AKAP11: variants seen among roughly 807,000 people sequenced by gnomAD.
The protein encoded by AKAP11 is A-kinase anchoring protein 11, also known as A-kinase anchor protein 11.
Under a neutral mutation model 146.1 loss-of-function variants are expected in AKAP11, and 36 were observed. The ratio of observed to expected loss-of-function variants is 0.25; its 90% CI spans 0.19 to 0.33. The LOEUF (loss-of-function observed/expected upper bound fraction) is 0.33, where lower values mean the gene tolerates loss of function less well. Among genes scored for constraint, AKAP11 ranks in the 10% least tolerant of loss-of-function variants. The pLI is 1.00. For synonymous variants in AKAP11, 780 were observed against 786.5 expected (o/e 0.99, Z 0.14); for missense variants, 2,201 against 2,197.0 (o/e 1.00, Z -0.04).
intron 3 of AKAP11, among the ~76,000 whole-genome samples, chr13:42,286,851 T>A (rs904852623): frequency 3.9e-5 from 6 of 152,222 alleles, no homozygotes; most frequent in Admixed American, 2.6e-4. Context: ...CTCACTTCCT[T>A]TCTTAAAACA....
chr13:42,316,936 G>A (rs1960849164), intron 11 of AKAP11, among the ~76,000 whole-genome samples: 1 of 152,142 alleles, frequency 6.6e-6, no homozygotes, highest in Admixed American at 6.5e-5. Flanking sequence ...CAGGCTGGGT[G>A]GTGCAATCTC....
In AKAP11 at chr13:42,301,893, C is replaced by G; in HGVS notation, c.3147C>G (p.Asn1049Lys). The change falls in exon 8 of 13, where the codon AAC becomes AAG. Residue 1049 changes from asparagine (N) to lysine (K), a missense_variant. Around this residue, in one of 3 missense-constraint regions of AKAP11, gnomAD observed 1,867 missense variants for 1,833.5 expected, o/e 1.02. Transcript: ENST00000025301. ...AGGATCAACCACTGAAAAAGCATAA[C>G]TTGAATAGTACATCACTTGAGGCCT... is the stretch of plus-strand genomic sequence containing the variant. ...SAKDQPLKKH[N>K]LNSTSLEALS... is the part of the protein sequence containing the mutation. 3 of 1,614,152 alleles carry G rather than the reference C, an allele frequency of 1.9e-6. No individual in the cohort carries two copies. The highest frequency in any genetic ancestry group is 2.5e-6 in the Non-Finnish European group (3 of 1,180,004).
rs548020698 is a variant in AKAP11 at position 42,300,902 on chromosome 13, G to A, written c.2156G>A (p.Ser719Asn). ...DVTFTTKAAV[S>N]VSTDNIKYVS... Reference sequence around the variant, plus strand: ...ACCTTTACAACAAAGGCAGCAGTTAGTGTCTCTACGGATAATATCAAGTAT... The same window carrying A: ...ACCTTTACAACAAAGGCAGCAGTTAATGTCTCTACGGATAATATCAAGTAT... Residue 719 changes from serine (S) to asparagine (N), a missense_variant, in exon 8 of 13, where the codon AGT becomes AAT. Physicochemically the swap from Ser to Asn is conservative, Grantham distance 46 (BLOSUM62 1). This residue lies in a region of AKAP11 where 1,867 missense variants were observed against 1,833.5 expected (regional missense o/e 1.02). Transcript: ENST00000025301. 8.1e-6 allele frequency: 13 copies of A among 1,614,122 alleles called. No homozygotes were observed. Among genetic ancestry groups the A allele is most frequent in the Admixed American group, 1.7e-5 (1 of 60,022 alleles).
At chr13:42,294,400 T>A (rs1275941709) in intron 4 of AKAP11, among the ~76,000 whole-genome samples, 1 of 152,020 alleles carries the variant, frequency 6.6e-6, no homozygotes, top group Non-Finnish European at 1.5e-5. Flanking sequence ...ATATATATAT[T>A]TTTTTCTTTT....
chr13:42,272,821 GC>G (rs1449572145), intron 1 of AKAP11, among the ~76,000 whole-genome samples: 2 of 152,210 alleles, frequency 1.3e-5, no homozygotes, highest in African/African-American at 2.4e-5. Context: ...CTTAAGGCTG[GC>G]CATAAAGTAC....
chr13:42,315,391 A>G (rs2138706782), intron 11 of AKAP11, among the ~76,000 whole-genome samples: 1 of 152,318 alleles, frequency 6.6e-6, no homozygotes, highest in East Asian at 1.9e-4. Context: ...CCCCACTGCA[A>G]TATTTGTTTC....
chr13:42,272,039 G>C (rs1332580198), upstream of AKAP11: 1 of 149,662 alleles, frequency 6.7e-6, no homozygotes, highest in African/African-American at 2.5e-5. Context: ...AGGCGGTGTT[G>C]CGGGCCGGAG....
chr13:42,299,882 T>C lies in AKAP11; in HGVS notation c.1136T>C (p.Val379Ala). 6.2e-7 allele frequency: 1 copy of C among 1,613,892 alleles called. No individual in the cohort carries two copies. The highest frequency in any genetic ancestry group is 8.5e-7 in the Non-Finnish European group (1 of 1,179,870). Residue 379 changes from valine to alanine, a missense_variant, in exon 8 of 13, where the codon GTC (valine) becomes GCC (alanine). Coordinates refer to ENST00000025301, the MANE Select transcript of AKAP11 (RefSeq NM_016248.4). The stretch of plus-strand genomic sequence containing the variant: ...ACTTGCCTGTTTAACAAAGATCCCG[T>C]CATAGGGAAGTCATCGCAGAGGAAA... Reference protein sequence around the residue: ...LETCLFNKDPVIGKSSQRKGH... With the variant: ...LETCLFNKDPAIGKSSQRKGH...
rs1961092899 is a variant in AKAP11 at position 42,321,676 on chromosome 13, G to T, written c.*2448G>T. The T allele has an allele frequency of 1.3e-5, 2 of 152,248 alleles. No homozygotes were observed. Among genetic ancestry groups the T allele is most frequent in the Admixed American group, 1.3e-4 (2 of 15,274 alleles). The allele number at this position is 152,248 out of a possible 1,614,324, so 9.4% of individuals were successfully genotyped here. A position where few individuals can be genotyped will look rare whatever the true frequency, so the allele number is the denominator to read the frequency against. On this transcript the variant is annotated 3_prime_UTR_variant, in exon 13 of 13. Coordinates refer to ENST00000025301, the MANE Select transcript of AKAP11 (RefSeq NM_016248.4). ...AAAGGCACTTTGTGGTTTTTCCAAA[G>T]ATGTTCTAGATCTATTTGGTTGCTC... is the stretch of plus-strand genomic sequence containing the variant.
chr13:42,289,324 G>A (rs7334450), intron 3 of AKAP11, among the ~76,000 whole-genome samples: 1 of 152,144 alleles, frequency 6.6e-6, no homozygotes, highest in Non-Finnish European at 1.5e-5. Flanking sequence ...CCAGTTTTCA[G>A]ATTAATGACA....
rs558013725 is a variant in AKAP11 at position 42,312,114 on chromosome 13, T to C, written c.5274-933T>C. 6.2e-4 allele frequency among the ~76,000 whole-genome samples: 94 copies of C among 152,336 alleles called. No homozygotes were observed. In the South Asian group the frequency reaches 0.017, roughly 28 times the overall value. ...TTTGTATAAATATTACTTTTTATAA[T>C]TGCCTAGCATAATATTGGGAAAAAT... is the stretch of plus-strand genomic sequence containing the variant. On this transcript the variant is annotated intron_variant, in intron 9 of 12. Transcript: ENST00000025301.
intron 4 of AKAP11, among the ~76,000 whole-genome samples, chr13:42,293,988 C>G (rs1959352882): frequency 6.6e-6 from 1 of 152,094 alleles, no homozygotes; most frequent in Non-Finnish European, 1.5e-5. Flanking sequence ...GTTGTATTGC[C>G]TTAAGTTTTA....
chr13:42,316,947 G>A (rs1960849812), intron 11 of AKAP11, among the ~76,000 whole-genome samples: 1 of 152,094 alleles, frequency 6.6e-6, no homozygotes, highest in Non-Finnish European at 1.5e-5. Context: ...GTGCAATCTC[G>A]GATCACTGCA....
In AKAP11 at chr13:42,319,956, A is replaced by C. The variant is rs1227276146; in HGVS notation, c.*728A>C. 1.2e-5 allele frequency: 1 copy of C among 81,862 alleles called. No homozygotes were observed. Among genetic ancestry groups the C allele is most frequent in the Non-Finnish European group, 3.1e-5 (1 of 32,616 alleles). 5.1% of individuals were successfully genotyped at this position (81,862 alleles called of 1,614,324 possible). On this transcript the variant is annotated 3_prime_UTR_variant, in exon 13 of 13. Coordinates refer to ENST00000025301, the MANE Select transcript of AKAP11 (RefSeq NM_016248.4). ...GTGTGTGTGTGTGTGTGTGTAAGGG[A>C]GTACTTTAACCTTGCCAGTTTGTTC...
At chr13:42,295,173 G>A (rs973611443) in intron 4 of AKAP11, among the ~76,000 whole-genome samples, 6 of 152,204 alleles carry the variant, frequency 3.9e-5, no homozygotes, top group Non-Finnish European at 8.8e-5. Context: ...AGCCAGGCAT[G>A]TAACCATCCA....
At chr13:42,277,122 T>C (rs1958941832) in intron 1 of AKAP11, among the ~76,000 whole-genome samples, 1 of 152,250 alleles carries the variant, frequency 6.6e-6, no homozygotes, top group African/African-American at 2.4e-5. Context: ...ATCCTTATAA[T>C]ATTGCCATAC....
At chr13:42,293,908 T>C (rs1397949956) in intron 4 of AKAP11, among the ~76,000 whole-genome samples, 1 of 152,224 alleles carries the variant, frequency 6.6e-6, no homozygotes, top group African/African-American at 2.4e-5. Context: ...CTATCTGTTA[T>C]TGAGTGCCTG....
intron 6 of AKAP11, among the ~76,000 whole-genome samples, chr13:42,297,926 A>G (rs1959611138): frequency 6.6e-6 from 1 of 152,048 alleles, no homozygotes; most frequent in Non-Finnish European, 1.5e-5. Context: ...GTGATAAGCT[A>G]TTATATTTGA....
intron 11 of AKAP11, among the ~76,000 whole-genome samples, chr13:42,314,289 G>A (rs1318380572): frequency 6.6e-6 from 1 of 151,762 alleles, no homozygotes; most frequent in Non-Finnish European, 1.5e-5. Flanking sequence ...TACTGAAAAT[G>A]CAAAAATTAG....
Sources: gnomAD v4.1 joint callset for allele counts (sites outside exome capture counted in the v4.1 genomes callset) on GRCh38, gnomAD v4.1.1 for gene constraint, gnomAD v4.1.1 regional missense constraint, MANE v1.5 for transcripts, NCBI Gene and HGNC (gene_info 2026-07-23, HGNC 2026-07-21) for gene names.